The following EPHA8 variants were observed in gnomAD, a reference collection of about 807,000 sequenced individuals.
EPHA8 encodes ephrin type-A receptor 8.
A neutral mutation model predicts 103.6 loss-of-function variants in EPHA8; 58 were observed. The observed-to-expected ratio is 0.56, with a 90% CI of 0.45 to 0.70. EPHA8 has a LOEUF of 0.70. Among genes scored for constraint, EPHA8 ranks in the 30% least tolerant of loss-of-function variants. The pLI, the probability that EPHA8 is intolerant of heterozygous loss-of-function variation, is 0.00. For synonymous variants in EPHA8, 559 were observed against 572.5 expected (o/e 0.98, Z 0.34); for missense variants, 1,304 against 1,395.2 (o/e 0.93, Z 1.04).
In EPHA8 at chr1:22,598,844, G is replaced by T; in HGVS notation, c.2185G>T (p.Asp729Tyr). The stretch of plus-strand genomic sequence containing the variant: ...AAGCCATGTCCCCCTGCAGACCCAC[G>T]ACGGGCAGTTCACCATCATGCAGCT... Reference protein sequence around the residue: ...GSLDTFLRTHDGQFTIMQLVG... With the variant: ...GSLDTFLRTHYGQFTIMQLVG... The change falls in exon 13 of 17, where the codon GAC becomes TAC. Residue 729 changes from aspartate to tyrosine, a missense_variant. Physicochemically the swap from Asp to Tyr is radical, Grantham distance 160 (BLOSUM62 -3). Coordinates refer to ENST00000166244, the MANE Select transcript of EPHA8 (RefSeq NM_020526.5). The surrounding 1 kb of genome is among the most constrained non-coding windows in gnomAD (Gnocchi z 5.1). The T allele has an allele frequency of 6.2e-7, 1 of 1,612,136 alleles. No homozygotes were observed.
chr1:22,598,224 A>G lies in EPHA8; in HGVS notation c.2178+12A>G. ...ACACCTTCCTGAGGGTGCGTGTCCC[A>G]CCCCTGCCTCTTGCATGGGCTTGGG... On this transcript the variant is annotated intron_variant, in intron 12 of 16. Coordinates refer to ENST00000166244, the MANE Select transcript of EPHA8 (RefSeq NM_020526.5). This position sits in a 1 kb window ranked among gnomAD's most constrained non-coding sequence, Gnocchi z 5.1. 1 of 1,611,518 alleles carries G rather than the reference A, an allele frequency of 6.2e-7. No homozygotes were observed. The highest frequency in any genetic ancestry group is 1.7e-5 in the Admixed American group (1 of 59,838).
intron 13 of EPHA8, 79 bp downstream of exon 13, chr1:22,599,126 G>T (rs1641607864): frequency 4.1e-6 from 6 of 1,454,678 alleles, no homozygotes; most frequent in Non-Finnish European, 5.6e-6. Flanking sequence ...CAACCATTCT[G>T]CAAGTAGCTG....
In EPHA8 at chr1:22,589,437, T is replaced by C. The variant is rs1316127326; in HGVS notation, c.1315+231T>C. On this transcript the variant is annotated intron_variant, in intron 5 of 16. Transcript: ENST00000166244. The surrounding 1 kb of genome is among the most constrained non-coding windows in gnomAD (Gnocchi z 4.3). Reference sequence around the variant, plus strand: ...TCCCAAAAGCTCAGAGGCAGGCTAGTGTGGCCGTCGAAAGCCTAGGTTCCA... The same window carrying C: ...TCCCAAAAGCTCAGAGGCAGGCTAGCGTGGCCGTCGAAAGCCTAGGTTCCA... 1.3e-6 allele frequency: 2 copies of C among 1,493,496 alleles called. No individual in the cohort carries two copies. The highest frequency in any genetic ancestry group is 1.8e-6 in the Non-Finnish European group (2 of 1,129,578). 92.5% of individuals were successfully genotyped at this position (1,493,496 alleles called of 1,614,324 possible).
intron 2 of EPHA8, among the ~76,000 whole-genome samples, chr1:22,574,947 C>A (rs1303334858): frequency 6.6e-6 from 1 of 152,136 alleles, no homozygotes; most frequent in Non-Finnish European, 1.5e-5. Flanking sequence ...CTTGCCAACA[C>A]TTATTATTAT....
intron 9 of EPHA8, 71 bp downstream of exon 9, chr1:22,596,244 G>T: frequency 6.8e-7 from 1 of 1,464,510 alleles, no homozygotes. Context: ...GACTGGGGGT[G>T]GCACAGATGG....
chr1:22,592,787 C>T lies in EPHA8; in HGVS notation c.1316-539C>T, dbSNP rs151058060. 3.6e-3 allele frequency among the ~76,000 whole-genome samples: 543 copies of T among 150,004 alleles called. 5 individuals are homozygous for T. The highest frequency in any genetic ancestry group is 0.013 in the African/African-American group (524 of 40,640). On this transcript the variant is annotated intron_variant, in intron 5 of 16. Transcript: ENST00000166244. ...AGCAGCCTCCCCACAGGGCTGACCG[C>T]ACCTGAGCCAGGAGGGAGAGATGCA...
chr1:22,569,246 G>A lies in EPHA8; in HGVS notation c.95-43G>A. 1 of 1,608,598 alleles carries A rather than the reference G, an allele frequency of 6.2e-7. No homozygotes were observed. Among genetic ancestry groups the A allele is most frequent in the Non-Finnish European group, 8.5e-7 (1 of 1,175,612 alleles). ...CAGGCTGCTCTTGAGGAGCTGGGGA[G>A]AAGTCAGAGGGGCCTGATGCCCTCT... is the stretch of plus-strand genomic sequence containing the variant. On this transcript the variant is annotated intron_variant, in intron 1 of 16. Coordinates refer to ENST00000166244, the MANE Select transcript of EPHA8 (RefSeq NM_020526.5). The surrounding 1 kb of genome is among the most constrained non-coding windows in gnomAD (Gnocchi z 4.5).
chr1:22,588,627 T>TG (rs1170814661), intron 4 of EPHA8, among the ~76,000 whole-genome samples: 4 of 46,504 alleles, frequency 8.6e-5, no homozygotes, highest in Non-Finnish European at 1.8e-4. Context: ...TCCTGATGGG[T>TG]GGGGGGGATG....
chr1:22,585,139 G>T (rs1641166530), intron 3 of EPHA8, among the ~76,000 whole-genome samples: 1 of 152,046 alleles, frequency 6.6e-6, no homozygotes, highest in African/African-American at 2.4e-5. Context: ...AGAAAAGGCA[G>T]CCCAGGAAGC....
In EPHA8 at chr1:22,593,560, G is replaced by A. The variant is rs143432921; in HGVS notation, c.1477G>A (p.Val493Ile). The change falls in exon 7 of 17, where the codon GTC becomes ATC. Residue 493 changes from valine (V) to isoleucine (I), a missense_variant. Coordinates refer to ENST00000166244, the MANE Select transcript of EPHA8 (RefSeq NM_020526.5). ...EMQSYSTLKA[V>I]TTRATVSGLK... is the part of the protein sequence containing the mutation. The stretch of plus-strand genomic sequence containing the variant: ...GCAGAGCTACTCCACCCTCAAGGCC[G>A]TCACCACCAGAGCCACCGTCTCCGG... 2.0e-5 allele frequency: 32 copies of A among 1,612,492 alleles called. 1 individual carries two copies. Among genetic ancestry groups the A allele is most frequent in the African/African-American group, 8.0e-5 (6 of 75,056 alleles).
intron 14 of EPHA8, 30 bp downstream of exon 14, chr1:22,600,840 G>C (rs200731849): frequency 1.3e-6 from 2 of 1,590,184 alleles, no homozygotes; most frequent in Non-Finnish European, 1.7e-6. Context: ...AGGTCCGCGG[G>C]CGGTGGAGCC....
At chr1:22,596,056 C>G in intron 8 of EPHA8, 50 bp from the exon 9 acceptor site, 1 of 1,590,178 alleles carries the variant, frequency 6.3e-7, no homozygotes, top group Non-Finnish European at 8.6e-7. Flanking sequence ...GGGTCAGGTC[C>G]CGGGCTAGGG....
rs147899532 is a variant in EPHA8 at position 22,583,387 on chromosome 1, G to A, written c.824-3093G>A. 1.1e-3 allele frequency among the ~76,000 whole-genome samples: 160 copies of A among 152,372 alleles called. 3 individuals are homozygous for A. In the East Asian group the frequency reaches 0.025, roughly 24 times the overall value. On this transcript the variant is annotated intron_variant, in intron 3 of 16. Coordinates refer to ENST00000166244, the MANE Select transcript of EPHA8 (RefSeq NM_020526.5). Reference sequence around the variant, plus strand: ...ATATGGGTATTAGCCGAGTGTGTGAGAACTGCCGACTGGTGAGCCACAGCG... The same window carrying A: ...ATATGGGTATTAGCCGAGTGTGTGAAAACTGCCGACTGGTGAGCCACAGCG...
intron 3 of EPHA8, among the ~76,000 whole-genome samples, chr1:22,579,140 T>TGG (rs1640952025): frequency 6.6e-6 from 1 of 151,394 alleles, no homozygotes; most frequent in Non-Finnish European, 1.5e-5. Flanking sequence ...CATGTGTGTG[T>TGG]GCATATGTGC....
chr1:22,586,659 GT>G (rs1296658032), intron 4 of EPHA8, 24 bp downstream of exon 4: 12 of 1,610,816 alleles, frequency 7.4e-6, no homozygotes, highest in Non-Finnish European at 1.0e-5. Context: ...CGAGATGCCA[GT>G]ACCCTTGAGC....
intron 4 of EPHA8, 97 bp from the exon 5 acceptor site, chr1:22,588,774 G>C: frequency 6.7e-7 from 1 of 1,498,058 alleles, no homozygotes; most frequent in Non-Finnish European, 8.8e-7. Flanking sequence ...AAATATGATG[G>C]GGAGCCCTTC....
chr1:22,600,067 TGGAGGGAGGAAGGAAGGGAG>T (rs1557584036), intron 13 of EPHA8, among the ~76,000 whole-genome samples: 6 of 45,806 alleles, frequency 1.3e-4, no homozygotes, highest in Non-Finnish European at 2.4e-4. Flanking sequence ...GAAGGGGGGA[TGGAGGGAGGAAGGAAGGGAG>T]GGAGGGAGGA....
Position 22,576,863 on chromosome 1 carries a change from GGCGGGAT to G in EPHA8, c.809_815del (p.Arg270ProfsTer62). The G allele has an allele frequency of 6.3e-7, 1 of 1,594,810 alleles. No individual in the cohort carries two copies. The highest frequency in any genetic ancestry group is 8.6e-7 in the Non-Finnish European group (1 of 1,168,502). On this transcript the variant is annotated frameshift_variant, in exon 3 of 17. Coordinates refer to ENST00000166244, the MANE Select transcript of EPHA8 (RefSeq NM_020526.5). LOFTEE classifies it high-confidence loss of function. The surrounding 1 kb of genome is among the most constrained non-coding windows in gnomAD (Gnocchi z 4.8). ...GTGTGCAGTGCCGGCTACGAGGAGC[GGCGGGAT>G]GCCTGTGTGGGTGAGCGCGCCATGG... is the stretch of plus-strand genomic sequence containing the variant.
chr1:22,595,181 A>C (rs759217649), intron 7 of EPHA8, 49 bp from the exon 8 acceptor site: 1 of 1,510,202 alleles, frequency 6.6e-7, no homozygotes, highest in Non-Finnish European at 9.1e-7. Flanking sequence ...CCCTGGGCCC[A>C]AGGCCAGGGC....
Sources: gnomAD v4.1 joint callset for allele counts (sites outside exome capture counted in the v4.1 genomes callset) on GRCh38, gnomAD v4.1.1 for gene constraint, Gnocchi (gnomAD v3.1) non-coding constraint, MANE v1.5 for transcripts, NCBI Gene and HGNC (gene_info 2026-07-23, HGNC 2026-07-21) for gene names.